Variants in GRAMD1B observed in about 807,000 individuals in gnomAD.
The protein encoded by GRAMD1B is protein Aster-B.
A neutral mutation model predicts 99.7 loss-of-function variants in GRAMD1B; 37 were observed. The ratio of observed to expected loss-of-function variants is 0.37; its 90% CI spans 0.29 to 0.49. The LOEUF (loss-of-function observed/expected upper bound fraction) is 0.49, where lower values mean the gene tolerates loss of function less well. Ranked by LOEUF, GRAMD1B falls within the 20% of genes least tolerant of loss-of-function variation. The pLI is 0.98. For missense variants in GRAMD1B, 888 were observed against 1,009.2 expected (o/e 0.88, Z 1.63); for synonymous variants, 427 against 387.6 (o/e 1.10, Z -1.19).
chr11:123,453,871 C>T (rs560037433), intron 1 of GRAMD1B, among the ~76,000 whole-genome samples: 2 of 152,286 alleles, frequency 1.3e-5, no homozygotes, highest in South Asian at 2.1e-4. Flanking sequence ...AGTCCCAGGT[C>T]GCTACTGATT....
At chr11:123,359,832 C>T (rs576639960) in intron 1 of GRAMD1B, among the ~76,000 whole-genome samples, 11 of 152,250 alleles carry the variant, frequency 7.2e-5, no homozygotes, top group Admixed American at 2.6e-4. Context: ...CTACTCTGGG[C>T]AAGGACAAAG....
chr11:123,381,251 A>C (rs1400887364), intron 1 of GRAMD1B, among the ~76,000 whole-genome samples: 1 of 152,148 alleles, frequency 6.6e-6, no homozygotes, highest in African/African-American at 2.4e-5. Context: ...TGGCCCTGAG[A>C]GTCCGGGCTC....
chr11:123,501,128 A>T lies in GRAMD1B; in HGVS notation c.452+20235A>T, dbSNP rs1939807694. On this transcript the variant is annotated intron_variant, in intron 2 of 19. Coordinates refer to ENST00000635736, the MANE Select transcript of GRAMD1B (RefSeq NM_001387025.1). ...CAAGCTTGTTGGTAGCATAGGTAGG[A>T]TTTAACTCCAGAGCTCAAGTTCTTT... Among the ~76,000 whole-genome samples, 2 of 152,098 alleles carry T rather than the reference A, an allele frequency of 1.3e-5. 1 individual carries two copies. The highest frequency in any genetic ancestry group is 4.2e-4 in the South Asian group (2 of 4,818).
chr11:123,606,661 A>C lies in GRAMD1B; in HGVS notation c.1376A>C (p.Glu459Ala). The C allele has an allele frequency of 6.2e-7, 1 of 1,613,082 alleles. No individual in the cohort carries two copies. The highest frequency in any genetic ancestry group is 1.3e-5 in the African/African-American group (1 of 75,018). ...GCGCTGGAGGGAGACGGGTCCCTGG[A>C]AAAGGAGCTCGCCATTGACAACATC... is the stretch of plus-strand genomic sequence containing the variant. ...EEALEGDGSL[E>A]KELAIDNIMG... is the part of the protein sequence containing the mutation. The change falls in exon 11 of 20, where the codon GAA becomes GCA. Residue 459 changes from glutamate (E) to alanine (A), a missense_variant. Physicochemically the swap from Glu to Ala is moderately radical, Grantham distance 107 (BLOSUM62 -1). Transcript: ENST00000635736.
intron 1 of GRAMD1B, among the ~76,000 whole-genome samples, chr11:123,453,272 T>C (rs1486833195): frequency 1.3e-5 from 2 of 151,842 alleles, no homozygotes; most frequent in East Asian, 3.8e-4. Context: ...ATATATCTAA[T>C]ACACATCAAT....
intron 2 of GRAMD1B, among the ~76,000 whole-genome samples, chr11:123,481,550 C>T (rs964799109): frequency 1.3e-5 from 2 of 152,166 alleles, no homozygotes; most frequent in African/African-American, 2.4e-5. Flanking sequence ...AGGTGAAGGG[C>T]ATTTTGTGCC....
intron 1 of GRAMD1B, among the ~76,000 whole-genome samples, chr11:123,396,705 CT>C (rs1237317231): frequency 1.3e-5 from 2 of 152,186 alleles, no homozygotes; most frequent in Non-Finnish European, 2.9e-5. Context: ...AGGGATTTTA[CT>C]TTGTGGTTTG....
chr11:123,608,386 G>A (rs1592255167), intron 11 of GRAMD1B: 2 of 985,414 alleles, frequency 2.0e-6, no homozygotes, highest in African/African-American at 1.6e-5. Flanking sequence ...GTTTGAAAGT[G>A]TAAAAGCAAA....
chr11:123,583,134 T>A (rs1254405981), intron 3 of GRAMD1B, among the ~76,000 whole-genome samples: 3 of 152,138 alleles, frequency 2.0e-5, no homozygotes, highest in Admixed American at 2.0e-4. Flanking sequence ...TGTGTGTGCA[T>A]GTGCACATGT....
At position 123,462,218 on chromosome 11, in the gene GRAMD1B, T is replaced by C. The variant is rs550298413; in HGVS notation, c.375-18598T>C. ...TCCTGACCTCGTGATCTGCCCGCCT[T>C]GGCCTCCCAAAGTGCTGGGATTACA... On this transcript the variant is annotated intron_variant, in intron 1 of 19. Transcript: ENST00000635736. Among the ~76,000 whole-genome samples the C allele has an allele frequency of 6.0e-5, 9 of 150,534 alleles. No individual in the cohort carries two copies. In the East Asian group the frequency reaches 8.0e-4, roughly 13 times the overall value.
At chr11:123,444,600 C>A (rs190391814) in intron 1 of GRAMD1B, among the ~76,000 whole-genome samples, 4 of 150,752 alleles carry the variant, frequency 2.7e-5, no homozygotes, top group African/African-American at 9.8e-5. Context: ...TTTTTTTTTT[C>A]TTTGGGTCCC....
At chr11:123,444,490 G>C (rs993894916) in intron 1 of GRAMD1B, among the ~76,000 whole-genome samples, 3 of 152,018 alleles carry the variant, frequency 2.0e-5, no homozygotes, top group African/African-American at 7.3e-5. Context: ...AAAAAATTCT[G>C]TTTTCATGTT....
chr11:123,387,344 G>A (rs1449888001), intron 1 of GRAMD1B, among the ~76,000 whole-genome samples: 1 of 152,130 alleles, frequency 6.6e-6, no homozygotes, highest in Non-Finnish European at 1.5e-5. Context: ...CTCCAGAAAG[G>A]CAGCGTGTTT....
At chr11:123,439,097 T>A (rs1949292804) in intron 1 of GRAMD1B, among the ~76,000 whole-genome samples, 2 of 152,156 alleles carry the variant, frequency 1.3e-5, no homozygotes, top group Admixed American at 1.3e-4. Flanking sequence ...GTGCCTGGTG[T>A]GAGGAGGGAC....
intron 2 of GRAMD1B, among the ~76,000 whole-genome samples, chr11:123,483,419 C>G (rs183472098): frequency 1.5e-5 from 2 of 136,488 alleles, no homozygotes; most frequent in East Asian, 4.2e-4. Flanking sequence ...GAGATAGGGT[C>G]TCTGTCACCC....
At chr11:123,452,189 A>C (rs1451732190) in intron 1 of GRAMD1B, among the ~76,000 whole-genome samples, 2 of 152,194 alleles carry the variant, frequency 1.3e-5, no homozygotes, top group Non-Finnish European at 2.9e-5. Context: ...AATTGTGAAC[A>C]AATGTAAAAA....
intron 1 of GRAMD1B, among the ~76,000 whole-genome samples, chr11:123,359,665 G>A (rs1270134056): frequency 6.6e-6 from 1 of 152,084 alleles, no homozygotes; most frequent in African/African-American, 2.4e-5. Flanking sequence ...TCCACCCAAG[G>A]CCCAGTATTG....
chr11:123,598,664 C>T, intron 7 of GRAMD1B: 2 of 1,191,514 alleles, frequency 1.7e-6, no homozygotes, highest in Non-Finnish European at 2.5e-6. Context: ...GAGCGGATTT[C>T]AATCTGTCCA....
chr11:123,367,557 G>A (rs574167616), intron 1 of GRAMD1B, among the ~76,000 whole-genome samples: 20 of 152,314 alleles, frequency 1.3e-4, no homozygotes, highest in Admixed American at 5.2e-4. Context: ...GGTACTTGAC[G>A]TGTTCGCAAA....
Sources: gnomAD v4.1 joint callset for allele counts (sites outside exome capture counted in the v4.1 genomes callset) on GRCh38, gnomAD v4.1.1 for gene constraint, MANE v1.5 for transcripts, NCBI Gene and HGNC (gene_info 2026-07-23, HGNC 2026-07-21) for gene names.